TEX13A: variants seen among roughly 807,000 people sequenced by gnomAD.
TEX13A encodes testis expressed 13A, also known as testis-expressed protein 13A.
In TEX13A, 8 loss-of-function variants were observed where a neutral mutation model predicts 7.1. That is an observed-to-expected ratio of 1.12 (90% CI 0.66 to 2.03). TEX13A has a LOEUF of 2.03. TEX13A is among the 30% of genes most tolerant of loss of function. The pLI is 0.00. For missense variants in TEX13A, 362 were observed against 332.2 expected, an observed-to-expected ratio of 1.09 and a Z score of -0.70; for synonymous variants, 151 against 134.2, an observed-to-expected ratio of 1.13 and a Z score of -0.87.
At position 105,220,157 on chromosome X, in the gene TEX13A, T is replaced by C. The variant is rs781996269; in HGVS notation, c.241A>G (p.Arg81Gly). Residue 81 changes from arginine to glycine, a missense_variant, in exon 2 of 3, where the codon AGG becomes GGG. Physicochemically the swap from Arg to Gly is moderately radical, Grantham distance 125. Coordinates refer to ENST00000600991, the MANE Select transcript of TEX13A (RefSeq NM_031274.5). ...CTGTGCCTTTGTAGCTGTGCCTGCC[T>C]GTGGGCAAAGCGCACTCCCAAGGCC... ...SLALGVRFAH[R>G]QAQLQRHRVR... 2.5e-6 allele frequency: 3 copies of C among 1,211,784 alleles called. No homozygotes were observed. Among genetic ancestry groups the C allele is most frequent in the African/African-American group, 3.5e-5 (2 of 57,927 alleles).
chrX:105,220,096 T>C lies in TEX13A; in HGVS notation c.302A>G (p.Lys101Arg), dbSNP rs2033938135. 1 of 1,211,592 alleles carries C rather than the reference T, an allele frequency of 8.3e-7. No individual in the cohort carries two copies. Among genetic ancestry groups the C allele is most frequent in the Non-Finnish European group, 1.1e-6 (1 of 895,359 alleles). Residue 101 changes from lysine to arginine, a missense_variant, in exon 2 of 3, where the codon AAA (lysine) becomes AGA (arginine). Coordinates refer to ENST00000600991, the MANE Select transcript of TEX13A (RefSeq NM_031274.5). ...RWLHGFAKLH[K>R]SAAQALASDL... Reference sequence around the variant, plus strand: ...TGATGCCAAGGCCTGTGCGGCTGATTTGTGCAGTTTGGCGAAGCCGTGCAG... The same window carrying C: ...TGATGCCAAGGCCTGTGCGGCTGATCTGTGCAGTTTGGCGAAGCCGTGCAG...
chrX:105,218,993 T>C lies in TEX13A; in HGVS notation c.1201A>G (p.Lys401Glu). 1 of 1,210,142 alleles carries C rather than the reference T, an allele frequency of 8.3e-7. No homozygotes were observed. Among genetic ancestry groups the C allele is most frequent in the Non-Finnish European group, 1.1e-6 (1 of 894,579 alleles). Residue 401 changes from lysine to glutamate, a missense_variant, in exon 3 of 3, where the codon AAG becomes GAG. Physicochemically the swap from Lys to Glu is moderately conservative, Grantham distance 56. Transcript: ENST00000600991. ...SRRDTCFDCG[K>E]GIWLQKPH ...TGAGGTTTTTGCAGCCAGATTCCCTTCCCACAGTCGAAGCAAGTATCCCTC... is the reference window on the plus strand; with the variant it reads ...TGAGGTTTTTGCAGCCAGATTCCCTCCCCACAGTCGAAGCAAGTATCCCTC...
chrX:105,219,560 G>C lies in TEX13A; in HGVS notation c.634C>G (p.Pro212Ala). Reference sequence around the variant, plus strand: ...GGGGCAGCCCCAGCCTCCACAGGGGGAGCCATGGCCTCCACAGGGGCAGCC... The same window carrying C: ...GGGGCAGCCCCAGCCTCCACAGGGGCAGCCATGGCCTCCACAGGGGCAGCC... ...VVAAPVEAMA[P>A]PVEAGAAPME... Residue 212 changes from proline to alanine, a missense_variant, in exon 3 of 3, where the codon CCC becomes GCC. Coordinates refer to ENST00000600991, the MANE Select transcript of TEX13A (RefSeq NM_031274.5). The C allele has an allele frequency of 8.3e-7, 1 of 1,209,029 alleles. No individual in the cohort carries two copies. The highest frequency in any genetic ancestry group is 1.1e-6 in the Non-Finnish European group (1 of 894,964).
rs782459107 is a variant in TEX13A, at chrX:105,220,226, C to T, written c.172G>A (p.Glu58Lys). ...GCCTCTTTGACCTCACTGGGCACCT[C>T]GCTGTCCTCCAGTATGGCCCTCAGC... The part of the protein sequence containing the change: ...DKLRAILEDS[E>K]VPSEVKEACT... The change falls in exon 2 of 3, where the codon GAG (glutamate) becomes AAG (lysine). Residue 58 changes from glutamate (E) to lysine (K), a missense_variant. Glu to Lys is a moderately conservative substitution (Grantham distance 56, BLOSUM62 1). Transcript: ENST00000600991. 42 of 1,210,042 alleles carry T rather than the reference C, an allele frequency of 3.5e-5. No homozygotes were observed. Among genetic ancestry groups the T allele is most frequent in the Admixed American group, 4.4e-5 (2 of 45,860 alleles).
In TEX13A at chrX:105,219,611, C is replaced by T. The variant is rs782348932; in HGVS notation, c.583G>A (p.Glu195Lys). Residue 195 changes from glutamate (E) to lysine (K), a missense_variant, in exon 3 of 3, where the codon GAA becomes AAA. Transcript: ENST00000600991. Reference sequence around the variant, plus strand: ...ACAACCTCCACATCCCTCTGCTCTTCTTCTGCTCCTTTTCCTCCAGCAGCA... The same window carrying T: ...ACAACCTCCACATCCCTCTGCTCTTTTTCTGCTCCTTTTCCTCCAGCAGCA... ...AGAAGGKGAE[E>K]EQRDVEVVAA... 4.1e-6 allele frequency: 5 copies of T among 1,210,577 alleles called. No individual in the cohort carries two copies. The Admixed American group carries it at 1.1e-4, about 26-fold the overall frequency.
chrX:105,220,333 T>A lies in TEX13A; in HGVS notation c.65A>T (p.Asn22Ile), dbSNP rs1020450618. 13 of 1,206,321 alleles carry A rather than the reference T, an allele frequency of 1.1e-5. No homozygotes were observed. Among genetic ancestry groups the A allele is most frequent in the African/African-American group, 3.5e-5 (2 of 56,964 alleles). Residue 22 changes from asparagine to isoleucine, a missense_variant, in exon 2 of 3, where the codon AAC becomes ATC. Transcript: ENST00000600991. ...FRHSNVVAFI[N>I]EKMARHTKGP... is the part of the protein sequence containing the mutation. The stretch of plus-strand genomic sequence containing the variant: ...TTTCGTGTGCCTGGCCATTTTCTCG[T>A]TGATGAAGGCCACCACGTTGCTATG...
rs782157629 is a variant in TEX13A, at chrX:105,219,724, G to C, written c.470C>G (p.Ala157Gly). 5 of 1,207,013 alleles carry C rather than the reference G, an allele frequency of 4.1e-6. No homozygotes were observed. The highest frequency in any genetic ancestry group is 4.5e-6 in the Non-Finnish European group (4 of 894,737). ...LVSPHEWEQG[A>G]GWPGLATAGG... Reference sequence around the variant, plus strand: ...GGCAGTGGCCAGGCCTGGCCACCCTGCCCCCTGCTCCCACTCATGGGGAGA... The same window carrying C: ...GGCAGTGGCCAGGCCTGGCCACCCTCCCCCCTGCTCCCACTCATGGGGAGA... The change falls in exon 3 of 3, where the codon GCA (alanine) becomes GGA (glycine). Residue 157 changes from alanine (A) to glycine (G), a missense_variant. Physicochemically the swap from Ala to Gly is moderately conservative, Grantham distance 60. Transcript: ENST00000600991.
At chrX:105,220,523 C>G (rs1335194900) in intron 1 of TEX13A, 72 bp downstream of exon 1, 2 of 651,396 alleles carry the variant, frequency 3.1e-6, no homozygotes, top group East Asian at 7.2e-5. Context: ...GCCCTACCCG[C>G]TCTGACAAGA....
Position 105,220,131 on chromosome X carries a change from CCT to C in TEX13A, c.265_266del (p.Arg89GlyfsTer63), listed in dbSNP as rs2033939138. 2 of 1,210,233 alleles carry C rather than the reference CCT, an allele frequency of 1.7e-6. No homozygotes were observed. The highest frequency in any genetic ancestry group is 2.2e-6 in the Non-Finnish European group (2 of 895,173). ...AHRQAQLQRH[R>X]VRWLHGFAKL... ...TGGCGAAGCCGTGCAGCCACCGCAC[CCT>C]GTGCCTTTGTAGCTGTGCCTGCCTG... On this transcript the variant is annotated frameshift_variant, in exon 2 of 3. Coordinates refer to ENST00000600991, the MANE Select transcript of TEX13A (RefSeq NM_031274.5). LOFTEE classifies it high-confidence loss of function.
chrX:105,219,095 G>C lies in TEX13A; in HGVS notation c.1099C>G (p.His367Asp), dbSNP rs2033904733. 2 of 1,209,187 alleles carry C rather than the reference G, an allele frequency of 1.7e-6. No individual in the cohort carries two copies. Among genetic ancestry groups the C allele is most frequent in the Non-Finnish European group, 2.2e-6 (2 of 895,003 alleles). Residue 367 changes from histidine to aspartate, a missense_variant, in exon 3 of 3, where the codon CAT becomes GAT. By Grantham distance (81) the His-to-Asp change is moderately conservative. Coordinates refer to ENST00000600991, the MANE Select transcript of TEX13A (RefSeq NM_031274.5). ...HPRDRRYSEP[H>D]QQRPPVYRRP... ...CGATATACTGGAGGTCTTTGCTGAT[G>C]AGGTTCGGAGTATCTCCTGTCTCTT...
chrX:105,220,440 G>A lies in TEX13A; in HGVS notation c.-32-11C>T, dbSNP rs782732944. On this transcript the variant is annotated splice_polypyrimidine_tract_variant and intron_variant, in intron 1 of 2. Transcript: ENST00000600991. ...ACGGTTTCACTAGCCCTGTGTGGAT[G>A]GAGCAGCCAATAGGTTCCTTTCCTC... 1.1e-5 allele frequency: 12 copies of A among 1,092,031 alleles called. No homozygotes were observed. In the Middle Eastern group the frequency reaches 1.0e-3, roughly 93 times the overall value. 90.0% of individuals were successfully genotyped at this position (1,092,031 alleles called of 1,213,427 possible).
chrX:105,220,495 T>C (rs781829113), intron 1 of TEX13A, 66 bp from the exon 2 acceptor site: 14 of 813,215 alleles, frequency 1.7e-5, no homozygotes, highest in Non-Finnish European at 2.3e-5. Context: ...ATCCATCTTC[T>C]CCCGCCCTCT....
At position 105,219,546 on chromosome X, in the gene TEX13A, AGCCTCCACAGGGGGAGCCATG is replaced by A. The variant is rs782741680; in HGVS notation, c.627_647del (p.Met210_Ala216del). 7.5e-6 allele frequency: 9 copies of A among 1,206,533 alleles called. No individual in the cohort carries two copies. The highest frequency in any genetic ancestry group is 8.9e-6 in the Non-Finnish European group (8 of 894,438). On this transcript the variant is annotated inframe_deletion, in exon 3 of 3. Transcript: ENST00000600991. ...ACTGGGTCTCCATGGGGGCAGCCCC[AGCCTCCACAGGGGGAGCCATG>A]GCCTCCACAGGGGCAGCCACAACCT...
Position 105,220,118 on chromosome X carries a change from G to A in TEX13A, c.280C>T (p.His94Tyr). ...GATTTGTGCAGTTTGGCGAAGCCGTGCAGCCACCGCACCCTGTGCCTTTGT... is the reference window on the plus strand; with the variant it reads ...GATTTGTGCAGTTTGGCGAAGCCGTACAGCCACCGCACCCTGTGCCTTTGT... ...QLQRHRVRWL[H>Y]GFAKLHKSAA... Residue 94 changes from histidine (H) to tyrosine (Y), a missense_variant, in exon 2 of 3, where the codon CAC becomes TAC. His to Tyr is a moderately conservative substitution (Grantham distance 83). Transcript: ENST00000600991. 1 of 1,211,353 alleles carries A rather than the reference G, an allele frequency of 8.3e-7. No individual in the cohort carries two copies. Among genetic ancestry groups the A allele is most frequent in the South Asian group, 1.8e-5 (1 of 57,002 alleles).
Position 105,219,318 on chromosome X carries a change from A to C in TEX13A, c.876T>G (p.Leu292=), listed in dbSNP as rs2033911772. 5.8e-6 allele frequency: 7 copies of C among 1,211,445 alleles called. No individual in the cohort carries two copies. The East Asian group carries it at 2.1e-4, about 36-fold the overall frequency. ...AGTATGAGGCAGGGAGCTGGACAGG[A>C]AGAGGTTCTGATGAGGCTCTGGACC... ...NPWSRASSEP[L]PVQLPASYSY... is the part of the protein sequence containing the mutation. Residue 292 remains leucine (L), a synonymous_variant, in exon 3 of 3, where the codon CTT becomes CTG. Transcript: ENST00000600991.
rs782108130 is a variant in TEX13A at position 105,219,486 on chromosome X, C to T, written c.708G>A (p.Glu236=). ...GGATTCTCTCCAGCTTCTCTGTGGT[C>T]TCCATGGAGGCAGCCCTGGCCTCCA... is the stretch of plus-strand genomic sequence containing the variant. ...PHVEARAASM[E]TTEKLERILL... is the part of the protein sequence containing the mutation. The change falls in exon 3 of 3, where the codon GAG becomes GAA. Residue 236 remains glutamate (E), a synonymous_variant. Coordinates refer to ENST00000600991, the MANE Select transcript of TEX13A (RefSeq NM_031274.5). 18 of 1,207,833 alleles carry T rather than the reference C, an allele frequency of 1.5e-5. No individual in the cohort carries two copies. In the South Asian group the frequency reaches 3.0e-4, roughly 20 times the overall value.
In TEX13A at chrX:105,219,382, T is replaced by G. The variant is rs2033914016; in HGVS notation, c.812A>C (p.Glu271Ala). 7.4e-6 allele frequency: 9 copies of G among 1,210,663 alleles called. No individual in the cohort carries two copies. The highest frequency in any genetic ancestry group is 8.9e-6 in the Non-Finnish European group (8 of 895,173). ...GQKEGDLRSV[E>A]TATSYFSGTT... ...TCCAGAGAAATAAGATGTGGCTGTT[T>G]CGACCGACCGGAGATCTCCCTCCTT... is the stretch of plus-strand genomic sequence containing the variant. The change falls in exon 3 of 3, where the codon GAA becomes GCA. Residue 271 changes from glutamate (E) to alanine (A), a missense_variant. Glu to Ala is a moderately radical substitution (Grantham distance 107). Transcript: ENST00000600991.
intron 1 of TEX13A, 53 bp from the exon 2 acceptor site, chrX:105,220,482 C>G (rs868955037): frequency 1.1e-6 from 1 of 875,772 alleles, no homozygotes; most frequent in South Asian, 2.8e-5. Flanking sequence ...AGCCCCTCCC[C>G]TCATCCATCT....
rs782690962 is a variant in TEX13A at position 105,220,131 on chromosome X, C to T, written c.267G>A (p.Arg89=). 8.3e-5 allele frequency: 100 copies of T among 1,210,233 alleles called. No homozygotes were observed. Among genetic ancestry groups the T allele is most frequent in the Middle Eastern group, 2.3e-4 (1 of 4,374 alleles). Residue 89 remains arginine, a synonymous_variant, in exon 2 of 3, where the codon AGG becomes AGA. Coordinates refer to ENST00000600991, the MANE Select transcript of TEX13A (RefSeq NM_031274.5). The stretch of plus-strand genomic sequence containing the variant: ...TGGCGAAGCCGTGCAGCCACCGCAC[C>T]CTGTGCCTTTGTAGCTGTGCCTGCC... ...AHRQAQLQRH[R]VRWLHGFAKL...
Sources: allele counts gnomAD v4.1 joint callset, GRCh38; gene constraint gnomAD v4.1.1; transcripts MANE v1.5; gene names NCBI Gene and HGNC (gene_info 2026-07-23, HGNC 2026-07-21).